PIAS1: variants seen among roughly 807,000 people sequenced by gnomAD.
PIAS1 encodes protein inhibitor of activated STAT 1.
A neutral mutation model predicts 71.3 loss-of-function variants in PIAS1; 6 were observed. That is an observed-to-expected ratio of 0.08 (90% CI 0.05 to 0.17). PIAS1 has a LOEUF of 0.17. PIAS1 is among the 10% of genes least tolerant of loss of function. The probability of loss-of-function intolerance (pLI) is 1.00; values close to 1 mark genes in which losing one functional copy is unlikely to be tolerated. For missense variants in PIAS1, 555 were observed against 793.6 expected (o/e 0.70, Z 3.61); for synonymous variants, 303 against 292.9 (o/e 1.03, Z -0.35).
chr15:68,065,884 G>T (rs1441794838), intron 1 of PIAS1, among the ~76,000 whole-genome samples: 2 of 134,012 alleles, frequency 1.5e-5, no homozygotes, highest in Non-Finnish European at 3.1e-5. Context: ...AGGACTTCAG[G>T]TGCTTGCCAC....
intron 1 of PIAS1, among the ~76,000 whole-genome samples, chr15:68,080,390 ATAAT>A (rs373757143): frequency 3.0e-4 from 46 of 152,314 alleles, no homozygotes; most frequent in African/African-American, 1.1e-3. Flanking sequence ...GAGGTGGAAG[ATAAT>A]TAACTAGAGG....
At chr15:68,095,421 A>T (rs886147773) in intron 2 of PIAS1, among the ~76,000 whole-genome samples, 1 of 152,100 alleles carries the variant, frequency 6.6e-6, no homozygotes, top group Non-Finnish European at 1.5e-5. Flanking sequence ...AGGATAATGT[A>T]ACAAAAGGGA....
chr15:68,137,032 T>G (rs2092738848), intron 2 of PIAS1, among the ~76,000 whole-genome samples: 1 of 152,220 alleles, frequency 6.6e-6, no homozygotes, highest in African/African-American at 2.4e-5. Flanking sequence ...GCAACTCCCA[T>G]GCTGGCCAGA....
intron 2 of PIAS1, among the ~76,000 whole-genome samples, chr15:68,109,128 C>A (rs563816702): frequency 2.6e-5 from 4 of 152,200 alleles, no homozygotes; most frequent in Non-Finnish European, 5.9e-5. Context: ...TTCTCAGATA[C>A]TGTGTATGCT....
intron 2 of PIAS1, among the ~76,000 whole-genome samples, chr15:68,109,325 C>T (rs1419815490): frequency 2.3e-4 from 35 of 152,186 alleles, no homozygotes; most frequent in Non-Finnish European, 2.9e-5. Flanking sequence ...ACATTGTCAG[C>T]ATCTGACATA....
chr15:68,129,558 A>G (rs752255692), intron 2 of PIAS1, among the ~76,000 whole-genome samples: 22 of 152,084 alleles, frequency 1.4e-4, no homozygotes, highest in Non-Finnish European at 2.9e-4. Context: ...AAAAGAAAAC[A>G]CTGCATGCTT....
intron 2 of PIAS1, among the ~76,000 whole-genome samples, chr15:68,109,717 G>T (rs376531640): frequency 1.5e-4 from 23 of 152,278 alleles, no homozygotes; most frequent in Middle Eastern, 3.4e-3. Flanking sequence ...AGTCAGCCCT[G>T]GCCAGGAGAA....
intron 1 of PIAS1, among the ~76,000 whole-genome samples, chr15:68,058,779 A>G (rs889548050): frequency 1.3e-5 from 2 of 152,154 alleles, no homozygotes; most frequent in Admixed American, 6.5e-5. Context: ...TGTAATCCCA[A>G]CACTCAGAGA....
At chr15:68,097,065 T>C (rs2140993661) in intron 2 of PIAS1, among the ~76,000 whole-genome samples, 1 of 152,308 alleles carries the variant, frequency 6.6e-6, no homozygotes, top group Non-Finnish European at 1.5e-5. Context: ...CTTCATTATG[T>C]TGAGATAGTT....
chr15:68,066,008 C>T (rs1434609605), intron 1 of PIAS1, among the ~76,000 whole-genome samples: 1 of 141,808 alleles, frequency 7.1e-6, no homozygotes, highest in Non-Finnish European at 1.5e-5. Flanking sequence ...ATGCCTCAGC[C>T]TCCTAAAAGT....
intron 2 of PIAS1, among the ~76,000 whole-genome samples, chr15:68,119,004 C>G (rs2092589785): frequency 6.6e-6 from 1 of 151,786 alleles, no homozygotes; most frequent in Non-Finnish European, 1.5e-5. Context: ...GCACAACAAC[C>G]TACAGAATGG....
chr15:68,080,992 G>C (rs541801621), intron 1 of PIAS1, among the ~76,000 whole-genome samples: 2 of 151,764 alleles, frequency 1.3e-5, no homozygotes, highest in Non-Finnish European at 2.9e-5. Flanking sequence ...AATAATGGAA[G>C]GTCACAGCTA....
At chr15:68,176,682 A>G (rs748420312) in intron 11 of PIAS1, 28 bp downstream of exon 11, 35 of 1,440,376 alleles carry the variant, frequency 2.4e-5, no homozygotes, top group Non-Finnish European at 3.2e-5. Context: ...TAAAAAAAAA[A>G]GTAATCATGA....
intron 5 of PIAS1, among the ~76,000 whole-genome samples, chr15:68,146,318 CTGA>C (rs2092807800): frequency 6.6e-6 from 1 of 152,056 alleles, no homozygotes; most frequent in East Asian, 1.9e-4. Flanking sequence ...TGAATTCATC[CTGA>C]TTTTTAAATT....
Position 68,086,770 on chromosome 15 carries a change from G to C in PIAS1, c.469+20G>C. ...GTCTAGGTAAGATTATTGTATGATA[G>C]TATTTGGTTACTTTTGCAGGATGAA... On this transcript the variant is annotated intron_variant, in intron 2 of 13. Transcript: ENST00000249636. The surrounding 1 kb of genome is among the most constrained non-coding windows in gnomAD (Gnocchi z 7.2). 1 of 1,495,172 alleles carries C rather than the reference G, an allele frequency of 6.7e-7. No homozygotes were observed. Among genetic ancestry groups the C allele is most frequent in the South Asian group, 1.2e-5 (1 of 85,806 alleles). The allele number at this position is 1,495,172 out of a possible 1,614,324, so 92.6% of individuals were successfully genotyped here.
intron 1 of PIAS1, among the ~76,000 whole-genome samples, chr15:68,062,106 C>A (rs895307380): frequency 6.6e-6 from 1 of 152,156 alleles, no homozygotes; most frequent in Admixed American, 6.6e-5. Context: ...TATCTTCGCT[C>A]TTTTTTCTTG....
rs763206935 is a variant in PIAS1, at chr15:68,145,801, T to G, written c.603-15T>G. On this transcript the variant is annotated splice_polypyrimidine_tract_variant and intron_variant, in intron 4 of 13. Transcript: ENST00000249636. The stretch of plus-strand genomic sequence containing the variant: ...CCTTTAATAAAGGAAATTAAACTTG[T>G]CCTTTATTGTTTAGGTTTTGTTTAT... 2.8e-6 allele frequency: 4 copies of G among 1,452,344 alleles called. No individual in the cohort carries two copies. In the South Asian group the frequency reaches 4.6e-5, roughly 17 times the overall value. The allele number at this position is 1,452,344 out of a possible 1,614,324, so 90.0% of individuals were successfully genotyped here.
At position 68,188,324 on chromosome 15, in the gene PIAS1, TTC is replaced by T; in HGVS notation, c.*491_*492del. ...ATTTTCTGAAAACGACAGACTTGGA[TTC>T]TGTTTGTGTGTGCATATTTTATCCA... On this transcript the variant is annotated 3_prime_UTR_variant, in exon 14 of 14. Transcript: ENST00000249636. 6.3e-6 allele frequency: 1 copy of T among 158,526 alleles called. No individual in the cohort carries two copies. The highest frequency in any genetic ancestry group is 1.8e-4 in the East Asian group (1 of 5,478). 9.8% of individuals were successfully genotyped at this position (158,526 alleles called of 1,614,324 possible).
In PIAS1 at chr15:68,054,412, G is replaced by C; in HGVS notation, c.24+62G>C. 1 of 1,523,956 alleles carries C rather than the reference G, an allele frequency of 6.6e-7. No homozygotes were observed. 94.4% of individuals were successfully genotyped at this position (1,523,956 alleles called of 1,614,324 possible). A position where few individuals can be genotyped will look rare whatever the true frequency, so the allele number is the denominator to read the frequency against. The stretch of plus-strand genomic sequence containing the variant: ...CGCGGAGACGGCGCCGCTGCTGCCA[G>C]GGGGGATGGGTCCGACCCTGGGGGG... On this transcript the variant is annotated intron_variant, in intron 1 of 13. Transcript: ENST00000249636. This position sits in a 1 kb window ranked among gnomAD's most constrained non-coding sequence, Gnocchi z 4.6.
Sources: gnomAD v4.1 joint callset for allele counts (sites outside exome capture counted in the v4.1 genomes callset) on GRCh38, gnomAD v4.1.1 for gene constraint, Gnocchi (gnomAD v3.1) non-coding constraint, MANE v1.5 for transcripts, NCBI Gene and HGNC (gene_info 2026-07-23, HGNC 2026-07-21) for gene names.